Variants in PPM1H observed in about 807,000 individuals in gnomAD.
The protein encoded by PPM1H is protein phosphatase 1H.
PPM1H carries 27 observed loss-of-function variants against 54.9 expected under a neutral mutation model. The ratio of observed to expected loss-of-function variants is 0.49; its 90% CI spans 0.36 to 0.68. PPM1H has a LOEUF of 0.68. Ranked by LOEUF, PPM1H falls within the 30% of genes least tolerant of loss-of-function variation. The pLI, the probability that PPM1H is intolerant of heterozygous loss-of-function variation, is 0.00. For synonymous variants in PPM1H, 305 were observed against 270.8 expected, an observed-to-expected ratio of 1.13 and a Z score of -1.24; for missense variants, 596 against 667.8, an observed-to-expected ratio of 0.89 and a Z score of 1.19.
At chr12:62,793,242 C>T (rs2076710579) in intron 3 of PPM1H, among the ~76,000 whole-genome samples, 1 of 152,148 alleles carries the variant, frequency 6.6e-6, no homozygotes, top group Non-Finnish European at 1.5e-5. Context: ...ATTGATTTAT[C>T]TGCTTAATCA....
intron 1 of PPM1H, among the ~76,000 whole-genome samples, chr12:62,851,652 G>A (rs563826128): frequency 5.3e-5 from 8 of 152,184 alleles, no homozygotes; most frequent in Admixed American, 1.3e-4. Context: ...GCCATGAGCC[G>A]AGATCGTGCC....
chr12:62,899,153 A>T (rs1339425405), intron 1 of PPM1H, among the ~76,000 whole-genome samples: 1 of 152,236 alleles, frequency 6.6e-6, no homozygotes, highest in Non-Finnish European at 1.5e-5. Context: ...ATGGTATCAC[A>T]AAAGACTACT....
Position 62,801,972 on chromosome 12 carries a change from G to C in PPM1H, c.600C>G (p.Pro200=). The C allele has an allele frequency of 1.2e-6, 2 of 1,612,874 alleles. No individual in the cohort carries two copies. Among genetic ancestry groups the C allele is most frequent in the East Asian group, 2.2e-5 (1 of 44,846 alleles). Residue 200 remains proline (P), a synonymous_variant, in exon 3 of 10, where the codon CCC becomes CCG. Coordinates refer to ENST00000228705, the MANE Select transcript of PPM1H (RefSeq NM_020700.2). The stretch of plus-strand genomic sequence containing the variant: ...CCCGGGTCAGAGTCCGGCTGTTGGC[G>C]GGCGTGTTCTCAGGCTCCTCCCCCA... ...TCLGEEPENT[P]ANSRTLTRAA... is the part of the protein sequence containing the mutation.
intron 1 of PPM1H, among the ~76,000 whole-genome samples, chr12:62,907,076 G>A (rs699582): frequency 0.33 from 50,116 of 152,112 alleles, 9,944 homozygotes; most frequent in Non-Finnish European, 0.45. Flanking sequence ...AAATCTTTGG[G>A]TTTATACCTG....
intron 1 of PPM1H, among the ~76,000 whole-genome samples, chr12:62,910,984 AG>A (rs1487703685): frequency 6.6e-6 from 1 of 152,242 alleles, no homozygotes; most frequent in Non-Finnish European, 1.5e-5. Flanking sequence ...ACAATGTGGC[AG>A]GCTCCGCAAA....
intron 2 of PPM1H, among the ~76,000 whole-genome samples, chr12:62,819,027 C>T (rs888802541): frequency 5.3e-5 from 8 of 151,866 alleles, no homozygotes; most frequent in African/African-American, 1.9e-4. Flanking sequence ...CACTGTTTTG[C>T]CCAGGCTAGT....
At chr12:62,920,498 T>C (rs1049168589) in intron 1 of PPM1H, among the ~76,000 whole-genome samples, 2 of 151,094 alleles carry the variant, frequency 1.3e-5, no homozygotes, top group Non-Finnish European at 3.0e-5. Flanking sequence ...TTTTTTTTTT[T>C]TTTTGTGGAG....
intron 4 of PPM1H, among the ~76,000 whole-genome samples, chr12:62,771,087 C>CACAA (rs1322050931): frequency 7.5e-6 from 1 of 134,040 alleles, no homozygotes; most frequent in Non-Finnish European, 1.6e-5. Context: ...CACACACACA[C>CACAA]AACTGTGTTT....
At chr12:62,851,296 A>C (rs774020190) in intron 1 of PPM1H, among the ~76,000 whole-genome samples, 13 of 152,250 alleles carry the variant, frequency 8.5e-5, no homozygotes, top group Non-Finnish European at 1.3e-4. Context: ...GTATGTTTGA[A>C]GGGGCTATCA....
intron 2 of PPM1H, among the ~76,000 whole-genome samples, chr12:62,817,151 C>CAAAAAAAAAAAAAAAA (rs1565797674): frequency 6.8e-5 from 4 of 58,918 alleles, no homozygotes; most frequent in Non-Finnish European, 1.4e-4. Flanking sequence ...AAAAAAAAAA[C>CAAAAAAAAAAAAAAAA]TAAAAAAAAG....
rs529967943 is a variant in PPM1H at position 62,858,104 on chromosome 12, C to T, written c.246-25825G>A. ...CCCCATCACCCCACCACGCCCCCTA[C>T]CACTCCCCAGATAATCTCTCCATTG... On this transcript the variant is annotated intron_variant, in intron 1 of 9. Coordinates refer to ENST00000228705, the MANE Select transcript of PPM1H (RefSeq NM_020700.2). 1.3e-3 allele frequency among the ~76,000 whole-genome samples: 197 copies of T among 151,810 alleles called. 1 individual carries two copies. The highest frequency in any genetic ancestry group is 4.5e-3 in the African/African-American group (186 of 41,388).
At chr12:62,665,327 G>A (rs2075911753) in intron 9 of PPM1H, among the ~76,000 whole-genome samples, 1 of 152,116 alleles carries the variant, frequency 6.6e-6, no homozygotes. Flanking sequence ...GGGATTACAG[G>A]GATGAGCCAC....
intron 9 of PPM1H, among the ~76,000 whole-genome samples, chr12:62,663,795 C>G (rs1251694124): frequency 6.6e-6 from 1 of 152,076 alleles, no homozygotes; most frequent in Admixed American, 6.6e-5. Context: ...AGCTCGAGAC[C>G]AGCCTGACCA....
At chr12:62,790,002 G>A (rs910639690) in intron 3 of PPM1H, among the ~76,000 whole-genome samples, 6 of 152,196 alleles carry the variant, frequency 3.9e-5, no homozygotes, top group African/African-American at 1.4e-4. Context: ...GAAAATGAGG[G>A]CTGGCTAAAA....
intron 1 of PPM1H, among the ~76,000 whole-genome samples, chr12:62,872,027 T>C (rs1038191529): frequency 2.6e-5 from 4 of 152,210 alleles, no homozygotes; most frequent in Admixed American, 6.5e-5. Context: ...TGAAAATAAA[T>C]ACAGCATTCA....
At chr12:62,863,582 T>C (rs1281183544) in intron 1 of PPM1H, among the ~76,000 whole-genome samples, 1 of 152,194 alleles carries the variant, frequency 6.6e-6, no homozygotes, top group Non-Finnish European at 1.5e-5. Context: ...GAGGCAATAC[T>C]GTCATTCTCC....
chr12:62,796,340 C>T (rs2120729447), intron 3 of PPM1H, among the ~76,000 whole-genome samples: 1 of 152,118 alleles, frequency 6.6e-6, no homozygotes, highest in East Asian at 1.9e-4. Flanking sequence ...GCTCAGTCCC[C>T]CAACTGACTC....
intron 1 of PPM1H, among the ~76,000 whole-genome samples, chr12:62,915,844 T>C (rs1871606017): frequency 6.6e-6 from 1 of 152,168 alleles, no homozygotes; most frequent in Non-Finnish European, 1.5e-5. Flanking sequence ...GGCCTACAAA[T>C]AGTCACAAAA....
At chr12:62,849,005 A>T (rs749355887) in intron 1 of PPM1H, among the ~76,000 whole-genome samples, 11 of 152,338 alleles carry the variant, frequency 7.2e-5, no homozygotes, top group South Asian at 2.1e-4. Flanking sequence ...AGGGAGTGGG[A>T]ATAGTGGTGA....
Sources: allele counts gnomAD v4.1 joint callset (sites outside exome capture counted in the v4.1 genomes callset), GRCh38; gene constraint gnomAD v4.1.1; transcripts MANE v1.5; gene names NCBI Gene and HGNC (gene_info 2026-07-23, HGNC 2026-07-21).